The following THADA variants were observed in gnomAD, a reference collection of about 807,000 sequenced individuals.
The protein encoded by THADA is THADA armadillo repeat containing.
In THADA, 213 loss-of-function variants were observed where a neutral mutation model predicts 219.8. The ratio of observed to expected loss-of-function variants is 0.97; its 90% confidence interval spans 0.87 to 1.09. The LOEUF is 1.09. THADA is among the 50% of genes least tolerant of loss of function. The probability of loss-of-function intolerance (pLI) is 0.00; values close to 1 mark genes in which losing one functional copy is unlikely to be tolerated. For missense variants in THADA, 2,956 were observed against 2,311.3 expected (o/e 1.28, Z -5.72); for synonymous variants, 1,018 against 828.9 (o/e 1.23, Z -3.92).
intron 21 of THADA, 47 bp downstream of exon 21, chr2:43,541,112 A>G: frequency 6.9e-7 from 1 of 1,450,284 alleles, no homozygotes. Flanking sequence ...AAAGTGATTT[A>G]TGCGTTGACC....
chr2:43,277,878 T>C (rs1320183572), intron 36 of THADA, among the ~76,000 whole-genome samples: 1 of 151,962 alleles, frequency 6.6e-6, no homozygotes, highest in African/African-American at 2.4e-5. Context: ...AAAATCCTTA[T>C]ATGCTGAAGG....
At chr2:43,286,869 T>C (rs756334610) in intron 35 of THADA, 39 bp downstream of exon 35, 4 of 1,583,482 alleles carry the variant, frequency 2.5e-6, no homozygotes, top group Non-Finnish European at 3.5e-6. Flanking sequence ...ATATTTTAAG[T>C]GAGTTTGGTA....
rs376297283 is a variant in THADA at position 43,476,561 on chromosome 2, G to A, written c.3836+8673C>T. 1.1e-3 allele frequency among the ~76,000 whole-genome samples: 165 copies of A among 152,332 alleles called. No individual in the cohort carries two copies. The East Asian group carries it at 0.024, about 22-fold the overall frequency. Reference sequence around the variant, plus strand: ...AGCCAAAAGGATTCTAGCTGCATAAGTCTGAATTATTTCAAGCCTCTGGGT... The same window carrying A: ...AGCCAAAAGGATTCTAGCTGCATAAATCTGAATTATTTCAAGCCTCTGGGT... On this transcript the variant is annotated intron_variant, in intron 26 of 37. Coordinates refer to ENST00000405975, the MANE Select transcript of THADA (RefSeq NM_022065.5).
rs549034933 is a variant in THADA, at chr2:43,261,589, T to A, written c.5296+18176A>T. 3.3e-5 allele frequency among the ~76,000 whole-genome samples: 5 copies of A among 151,366 alleles called. No homozygotes were observed. The East Asian group carries it at 9.7e-4, about 29-fold the overall frequency. On this transcript the variant is annotated intron_variant, in intron 36 of 37. Transcript: ENST00000405975. ...AATTCTCCTGCCTCAGCCTCCCAAG[T>A]AGGTGGGATTACAGGTGCATGCCAC...
At chr2:43,564,316 A>C (rs1467123861) in intron 15 of THADA, 1 of 152,268 alleles carries the variant, frequency 6.6e-6, no homozygotes, top group Non-Finnish European at 1.5e-5. Context: ...CCAGAAGTTC[A>C]AAATCAAGGT....
chr2:43,595,268 T>TA (rs1702018854), intron 1 of THADA, among the ~76,000 whole-genome samples: 1 of 152,162 alleles, frequency 6.6e-6, no homozygotes, highest in Admixed American at 6.5e-5. Context: ...ATCCATACAG[T>TA]AATGGCAGGT....
chr2:43,560,386 C>T lies in THADA; in HGVS notation c.2312-1G>A, dbSNP rs911601488. On this transcript the variant is annotated splice_acceptor_variant, in intron 15 of 37. Coordinates refer to ENST00000405975, the MANE Select transcript of THADA (RefSeq NM_022065.5). LOFTEE classifies it high-confidence loss of function. Reference sequence around the variant, plus strand: ...AGCTGATATACTGTATAAATTCTGCCTAAAAATATTTTAAAAACAAAAAGA... The same window carrying T: ...AGCTGATATACTGTATAAATTCTGCTTAAAAATATTTTAAAAACAAAAAGA... 9 of 1,507,690 alleles carry T rather than the reference C, an allele frequency of 6.0e-6. No homozygotes were observed. The Admixed American group carries it at 6.9e-5, about 12-fold the overall frequency. 93.4% of individuals were successfully genotyped at this position (1,507,690 alleles called of 1,614,324 possible).
chr2:43,512,510 TTTTG>T (rs1690618918), intron 22 of THADA, among the ~76,000 whole-genome samples: 1 of 152,242 alleles, frequency 6.6e-6, no homozygotes, highest in African/African-American at 2.4e-5. Context: ...TTTTGTTTTG[TTTTG>T]TTTTTGAGAC....
At chr2:43,511,372 C>T (rs1690422483) in intron 22 of THADA, among the ~76,000 whole-genome samples, 1 of 152,204 alleles carries the variant, frequency 6.6e-6, no homozygotes, top group African/African-American at 2.4e-5. Flanking sequence ...CCCGCAGAGG[C>T]TGTGGCAAAA....
chr2:43,376,729 T>TCA, intron 29 of THADA, among the ~76,000 whole-genome samples: 2 of 152,276 alleles, frequency 1.3e-5, no homozygotes, highest in Middle Eastern at 3.4e-3. Context: ...TCTCTACCCA[T>TCA]CACTACTCTG....
rs545473621 is a variant in THADA, at chr2:43,253,016, TTCTTGATAA to T, written c.5297-20143_5297-20135del. ...TCATTCTTGACTTCTTGACTTGACA[TTCTTGATAA>T]TCTTGACTTCTACAAGGACATTCAG... On this transcript the variant is annotated intron_variant, in intron 36 of 37. Coordinates refer to ENST00000405975, the MANE Select transcript of THADA (RefSeq NM_022065.5). 3.9e-3 allele frequency among the ~76,000 whole-genome samples: 588 copies of T among 152,346 alleles called. 2 individuals carry two copies. Among genetic ancestry groups the T allele is most frequent in the African/African-American group, 0.014 (564 of 41,578 alleles).
intron 29 of THADA, chr2:43,392,069 G>A (rs557611864): frequency 6.6e-6 from 1 of 151,920 alleles, no homozygotes; most frequent in Non-Finnish European, 1.5e-5. Flanking sequence ...TAATATTTTC[G>A]AGGCATAAAA....
At chr2:43,558,972 G>A (rs1028182888) in intron 16 of THADA, among the ~76,000 whole-genome samples, 2 of 152,146 alleles carry the variant, frequency 1.3e-5, no homozygotes, top group African/African-American at 4.8e-5. Flanking sequence ...CAAATTTAGA[G>A]ATGCAGAGGT....
In THADA at chr2:43,281,960, A is replaced by G. The variant is rs556360877; in HGVS notation, c.5165-2064T>C. Among the ~76,000 whole-genome samples the G allele has an allele frequency of 8.5e-4, 130 of 152,210 alleles. 2 individuals are homozygous for G. The South Asian group carries it at 0.026, about 30-fold the overall frequency. On this transcript the variant is annotated intron_variant, in intron 35 of 37. Coordinates refer to ENST00000405975, the MANE Select transcript of THADA (RefSeq NM_022065.5). ...AATTTTTTTATTATTTGTAGACAAA[A>G]GATCTTGCTGTGTTGCCCAAGCTGG...
rs527824937 is a variant in THADA, at chr2:43,593,540, C to A, written c.-24-1124G>T. Among the ~76,000 whole-genome samples the A allele has an allele frequency of 3.3e-5, 5 of 151,976 alleles. No homozygotes were observed. In the South Asian group the frequency reaches 8.3e-4, roughly 25 times the overall value. ...GCTCAGTTAACCAAAGGTGTTTGGC[C>A]TGGAGAAAAAGTCAACAGAACAAGA... is the stretch of plus-strand genomic sequence containing the variant. On this transcript the variant is annotated intron_variant, in intron 1 of 37. Transcript: ENST00000405975.
intron 29 of THADA, chr2:43,372,366 A>G (rs982836691): frequency 6.6e-6 from 1 of 152,234 alleles, no homozygotes; most frequent in African/African-American, 2.4e-5. Context: ...AGGAAGGTAC[A>G]TTTTTGTAGT....
intron 31 of THADA, among the ~76,000 whole-genome samples, chr2:43,302,266 G>A (rs936004523): frequency 2.6e-5 from 4 of 152,136 alleles, no homozygotes; most frequent in Non-Finnish European, 5.9e-5. Flanking sequence ...TCAAGTCCCT[G>A]CTTTAATGGC....
chr2:43,520,713 T>TATATATATACAC (rs1218079783), intron 22 of THADA, among the ~76,000 whole-genome samples: 37 of 125,126 alleles, frequency 3.0e-4, no homozygotes, highest in African/African-American at 8.0e-4. Context: ...TATATATATA[T>TATATATATACAC]ACACACACAC....
At chr2:43,341,151 G>C (rs1167725945) in intron 30 of THADA, among the ~76,000 whole-genome samples, 4 of 152,204 alleles carry the variant, frequency 2.6e-5, no homozygotes, top group African/African-American at 9.6e-5. Context: ...GGGAGCAAAA[G>C]GAAGCCTGGT....
Sources: allele counts gnomAD v4.1 joint callset (sites outside exome capture counted in the v4.1 genomes callset), GRCh38; gene constraint gnomAD v4.1.1; transcripts MANE v1.5; gene names NCBI Gene and HGNC (gene_info 2026-07-23, HGNC 2026-07-21).